Variants in VIL1 observed in about 807,000 individuals in gnomAD.
The protein encoded by VIL1 is villin-1.
A neutral mutation model predicts 104.0 loss-of-function variants in VIL1; 86 were observed. The ratio of observed to expected loss-of-function variants is 0.83; its 90% CI spans 0.69 to 0.99. VIL1 has a LOEUF of 0.99. VIL1 is among the 50% of genes least tolerant of loss of function. The probability of loss-of-function intolerance (pLI) is 0.00; values close to 1 mark genes in which losing one functional copy is unlikely to be tolerated. For synonymous variants in VIL1, 394 were observed against 412.6 expected, an observed-to-expected ratio of 0.95 and a Z score of 0.55; for missense variants, 944 against 1,054.1, an observed-to-expected ratio of 0.90 and a Z score of 1.45.
In VIL1 at chr2:218,429,685, T is replaced by A; in HGVS notation, c.849+10T>A. The A allele has an allele frequency of 6.2e-7, 1 of 1,613,812 alleles. No individual in the cohort carries two copies. The highest frequency in any genetic ancestry group is 8.5e-7 in the Non-Finnish European group (1 of 1,179,956). On this transcript the variant is annotated intron_variant, in intron 8 of 19. Coordinates refer to ENST00000248444, the MANE Select transcript of VIL1 (RefSeq NM_007127.3). The stretch of plus-strand genomic sequence containing the variant: ...CCTGCTCAGTCACGAGGTAAGAGGG[T>A]CTGGAGACCCCTCAGCCTACTGCAG...
At chr2:218,421,639 C>A (rs993517841) in intron 1 of VIL1, among the ~76,000 whole-genome samples, 13 of 152,062 alleles carry the variant, frequency 8.5e-5, no homozygotes, top group African/African-American at 3.1e-4. Flanking sequence ...GGTAGGGGGG[C>A]CACATCTCAG....
Position 218,432,003 on chromosome 2 carries a change from G to A in VIL1, c.1204-43G>A, listed in dbSNP as rs1364383196. The A allele has an allele frequency of 4.3e-6, 7 of 1,613,976 alleles. No homozygotes were observed. The East Asian group carries it at 1.3e-4, about 31-fold the overall frequency. The stretch of plus-strand genomic sequence containing the variant: ...CCGTGCTGGGTGGAGCAGGAATGGT[G>A]GAGCCTGTCCTGGACCTCACCCTGG... On this transcript the variant is annotated intron_variant, in intron 11 of 19. Coordinates refer to ENST00000248444, the MANE Select transcript of VIL1 (RefSeq NM_007127.3).
intron 19 of VIL1, among the ~76,000 whole-genome samples, chr2:218,442,102 A>G (rs1309965362): frequency 6.6e-6 from 1 of 152,228 alleles, no homozygotes; most frequent in Non-Finnish European, 1.5e-5. Context: ...TCTCAGGCCG[A>G]CAGGTAGGTG....
Position 218,428,051 on chromosome 2 carries a change from A to G in VIL1, c.434A>G (p.Lys145Arg). 6.2e-7 allele frequency: 1 copy of G among 1,614,148 alleles called. No individual in the cohort carries two copies. The highest frequency in any genetic ancestry group is 8.5e-7 in the Non-Finnish European group (1 of 1,180,016). The change falls in exon 5 of 20, where the codon AAG becomes AGG. Residue 145 changes from lysine to arginine, a missense_variant. Transcript: ENST00000248444. ...DVQRLLHVKG[K>R]RNVVAGEVEM... ...CAGAGGCTGCTGCATGTCAAGGGCA[A>G]GAGGAACGTGGTAGCTGGAGAGGTA...
intron 19 of VIL1, among the ~76,000 whole-genome samples, chr2:218,444,435 A>C (rs1259321008): frequency 6.6e-6 from 1 of 151,882 alleles, no homozygotes; most frequent in Non-Finnish European, 1.5e-5. Flanking sequence ...GCCCGCCATC[A>C]CGCCCGGCTA....
intron 19 of VIL1, among the ~76,000 whole-genome samples, chr2:218,441,736 C>T (rs1053591960): frequency 6.6e-6 from 1 of 152,074 alleles, no homozygotes; most frequent in African/African-American, 2.4e-5. Context: ...GCCTGTAATC[C>T]CAGCACTTTG....
At chr2:218,425,879 G>A (rs1574812370) in intron 4 of VIL1, 68 bp downstream of exon 4, 1 of 1,507,012 alleles carries the variant, frequency 6.6e-7, no homozygotes, top group East Asian at 2.3e-5. Context: ...TTGGGGCTGA[G>A]CTGAAGAGGC....
At chr2:218,420,678 TG>T (rs1457559228) in intron 1 of VIL1, among the ~76,000 whole-genome samples, 1 of 149,262 alleles carries the variant, frequency 6.7e-6, no homozygotes, top group African/African-American at 2.4e-5. Flanking sequence ...CTCCACCCCC[TG>T]GGTTCACGCC....
At chr2:218,436,658 C>T (rs1194673924) in intron 16 of VIL1, 32 bp downstream of exon 16, 3 of 1,604,778 alleles carry the variant, frequency 1.9e-6, no homozygotes, top group Non-Finnish European at 2.6e-6. Flanking sequence ...CCCCTCTTCC[C>T]AGCCACCTCA....
At chr2:218,439,606 C>T (rs1332392941) in intron 18 of VIL1, among the ~76,000 whole-genome samples, 1 of 151,764 alleles carries the variant, frequency 6.6e-6, no homozygotes, top group East Asian at 1.9e-4. Context: ...ATTGCTTGAG[C>T]CCAGGAGTTT....
rs1321154967 is a variant in VIL1 at position 218,429,350 on chromosome 2, G to A, written c.633G>A (p.Val211=). ...ERGGRTYVGV[V]DGENELASPK... is the part of the protein sequence containing the mutation. ...GAGGGCGCACCTATGTAGGCGTGGT[G>A]GACGGAGAGAATGAATTGGCATCCC... Residue 211 remains valine (V), a synonymous_variant, in exon 7 of 20, where the codon GTG becomes GTA. Coordinates refer to ENST00000248444, the MANE Select transcript of VIL1 (RefSeq NM_007127.3). 3 of 1,614,154 alleles carry A rather than the reference G, an allele frequency of 1.9e-6. No individual in the cohort carries two copies. Among genetic ancestry groups the A allele is most frequent in the African/African-American group, 2.7e-5 (2 of 75,068 alleles).
rs767127326 is a variant in VIL1, at chr2:218,428,286, G to T, written c.516G>T (p.Lys172Asn). Residue 172 changes from lysine (K) to asparagine (N), a missense_variant, in exon 6 of 20, where the codon AAG (lysine) becomes AAT (asparagine). Lys to Asn is a moderately conservative substitution (Grantham distance 94). Coordinates refer to ENST00000248444, the MANE Select transcript of VIL1 (RefSeq NM_007127.3). Reference sequence around the variant, plus strand: ...ATGTTTTCCTCCTGGACCTTGGGAAGCTTATCATCCAGTGGAATGGACCGG... The same window carrying T: ...ATGTTTTCCTCCTGGACCTTGGGAATCTTATCATCCAGTGGAATGGACCGG... ...RGDVFLLDLG[K>N]LIIQWNGPES... 2.2e-5 allele frequency: 35 copies of T among 1,614,080 alleles called. No individual in the cohort carries two copies. In the Admixed American group the frequency reaches 5.5e-4, roughly 25 times the overall value.
Position 218,449,229 on chromosome 2 carries a change from C to CT in VIL1, c.2378dup (p.Ser794ValfsTer3). 1 of 1,612,974 alleles carries CT rather than the reference C, an allele frequency of 6.2e-7. No homozygotes were observed. The highest frequency in any genetic ancestry group is 1.7e-4 in the Middle Eastern group (1 of 6,060). ...GGTCCCTCTCTTCTTCTAGGAACACCTGTCCATTGAAGATTTCACTCAGGC... is the reference window on the plus strand; with the variant it reads ...GGTCCCTCTCTTCTTCTAGGAACACCTTGTCCATTGAAGATTTCACTCAGGC... On this transcript the variant is annotated frameshift_variant, in exon 20 of 20. Transcript: ENST00000248444. LOFTEE classifies it high-confidence loss of function.
chr2:218,426,018 G>A (rs533062884), intron 4 of VIL1, among the ~76,000 whole-genome samples: 4 of 152,262 alleles, frequency 2.6e-5, no homozygotes, highest in Admixed American at 2.6e-4. Context: ...TTTGGTGATT[G>A]TCCCTCACCT....
At position 218,436,491 on chromosome 2, in the gene VIL1, A is replaced by G. The variant is rs772143496; in HGVS notation, c.1836A>G (p.Glu612=). 93 of 1,613,946 alleles carry G rather than the reference A, an allele frequency of 5.8e-5. 1 individual carries two copies. The highest frequency in any genetic ancestry group is 7.9e-5 in the Non-Finnish European group (93 of 1,179,950). The part of the protein sequence containing the change: ...APYANTKRLQ[E]ENLVITPRLF... ...TCTCTCCATCCTGCAGACTACAGGA[A>G]GAAAACCTGGTCATCACCCCCCGGC... Residue 612 remains glutamate (E), a synonymous_variant, in exon 16 of 20, where the codon GAA becomes GAG. Coordinates refer to ENST00000248444, the MANE Select transcript of VIL1 (RefSeq NM_007127.3).
At chr2:218,431,188 A>G (rs1404435898) in intron 10 of VIL1, 1 of 505,872 alleles carries the variant, frequency 2.0e-6, no homozygotes. Flanking sequence ...CTACTGAAAA[A>G]AAGAACTAAT....
chr2:218,442,304 G>A (rs1654676470), intron 19 of VIL1, among the ~76,000 whole-genome samples: 1 of 152,162 alleles, frequency 6.6e-6, no homozygotes, highest in Admixed American at 6.5e-5. Flanking sequence ...TGTCCTTTGA[G>A]GTTTAGATAC....
rs569614901 is a variant in VIL1, at chr2:218,434,815, C to G, written c.1680+110C>G. 6 of 1,199,762 alleles carry G rather than the reference C, an allele frequency of 5.0e-6. No individual in the cohort carries two copies. In the Admixed American group the frequency reaches 1.6e-4, roughly 33 times the overall value. The allele number at this position is 1,199,762 out of a possible 1,614,324, so 74.3% of individuals were successfully genotyped here. A position where few individuals can be genotyped will look rare whatever the true frequency, so the allele number is the denominator to read the frequency against. ...GAACCCCTGGCCAACTAAGTTGTGC[C>G]TGCTCAATTCTCAGCCGCCTCTGGA... On this transcript the variant is annotated intron_variant, in intron 14 of 19. Coordinates refer to ENST00000248444, the MANE Select transcript of VIL1 (RefSeq NM_007127.3).
At chr2:218,434,078 T>TC (rs1319394812) in intron 13 of VIL1, among the ~76,000 whole-genome samples, 2 of 150,594 alleles carry the variant, frequency 1.3e-5, no homozygotes, top group Non-Finnish European at 2.9e-5. Flanking sequence ...GTGCCTACAA[T>TC]CCCAGCTACC....
Sources: allele counts gnomAD v4.1 joint callset (sites outside exome capture counted in the v4.1 genomes callset), GRCh38; gene constraint gnomAD v4.1.1; transcripts MANE v1.5; gene names NCBI Gene and HGNC (gene_info 2026-07-23, HGNC 2026-07-21).